TSR2: variants seen among roughly 807,000 people sequenced by gnomAD.
The protein encoded by TSR2 is pre-rRNA-processing protein TSR2 homolog.
TSR2 carries 1 observed loss-of-function variant against 13.3 expected under a neutral mutation model. That is an observed-to-expected ratio of 0.08 (90% CI 0.03 to 0.36). The LOEUF (loss-of-function observed/expected upper bound fraction) is 0.36. Ranked by LOEUF, TSR2 falls within the 10% of genes least tolerant of loss-of-function variation. The pLI, the probability that TSR2 is intolerant of heterozygous loss-of-function variation, is 0.99. For synonymous variants in TSR2, 60 were observed against 57.7 expected, an observed-to-expected ratio of 1.04 and a Z score of -0.18; for missense variants, 120 against 151.1, an observed-to-expected ratio of 0.79 and a Z score of 1.08.
chrX:54,440,885 C>T, intron 2 of TSR2, 105 bp downstream of exon 2: 1 of 582,839 alleles, frequency 1.7e-6, no homozygotes, highest in Non-Finnish European at 2.6e-6. Context: ...TGGATTGGTA[C>T]CTAAAGGTGA....
rs755884642 is a variant in TSR2, at chrX:54,440,454, T to C, written c.33T>C (p.Leu11=). 2.7e-6 allele frequency: 3 copies of C among 1,129,151 alleles called. No homozygotes were observed. Among genetic ancestry groups the C allele is most frequent in the African/African-American group, 3.7e-5 (2 of 53,694 alleles). 93.1% of individuals were successfully genotyped at this position (1,129,151 alleles called of 1,213,427 possible). ...GCGCTGCAGAAGATGCGCGAGCTCT[T>C]TTCCGGGCTGGGGTCTGCGCGGCCC... MAGAAEDARA[L]FRAGVCAALE... Residue 11 remains leucine (L), a synonymous_variant, in exon 1 of 5, where the codon CTT becomes CTC. Coordinates refer to ENST00000375151, the MANE Select transcript of TSR2 (RefSeq NM_058163.3).
Position 54,444,150 on chromosome X carries a change from A to C in TSR2, c.407A>C (p.Asp136Ala). 3 of 1,211,451 alleles carry C rather than the reference A, an allele frequency of 2.5e-6. No individual in the cohort carries two copies. Among genetic ancestry groups the C allele is most frequent in the Non-Finnish European group, 3.4e-6 (3 of 895,339 alleles). Reference sequence around the variant, plus strand: ...AAGACAGCTAGAGAGACTGATGAGGATGAAGATGATGTGGACAGTGTGGAA... The same window carrying C: ...AAGACAGCTAGAGAGACTGATGAGGCTGAAGATGATGTGGACAGTGTGGAA... ...ALKTARETDE[D>A]EDDVDSVEEM... The change falls in exon 4 of 5, where the codon GAT becomes GCT. Residue 136 changes from aspartate (D) to alanine (A), a missense_variant. Physicochemically the swap from Asp to Ala is moderately radical, Grantham distance 126 (BLOSUM62 -2). Coordinates refer to ENST00000375151, the MANE Select transcript of TSR2 (RefSeq NM_058163.3).
At position 54,443,382 on chromosome X, in the gene TSR2, C is replaced by G. The variant is rs374186320; in HGVS notation, c.173-18C>G. 3 of 1,180,903 alleles carry G rather than the reference C, an allele frequency of 2.5e-6. No individual in the cohort carries two copies. Among genetic ancestry groups the G allele is most frequent in the Non-Finnish European group, 2.3e-6 (2 of 869,455 alleles). ...TTGGCTGGTCTTTGACCCAAGGGCCCTGTCCTTTTCTACTTAGCTGACTTG... is the reference window on the plus strand; with the variant it reads ...TTGGCTGGTCTTTGACCCAAGGGCCGTGTCCTTTTCTACTTAGCTGACTTG... On this transcript the variant is annotated intron_variant, in intron 2 of 4. Coordinates refer to ENST00000375151, the MANE Select transcript of TSR2 (RefSeq NM_058163.3).
intron 2 of TSR2, among the ~76,000 whole-genome samples, chrX:54,441,815 T>C: frequency 9.0e-6 from 1 of 111,600 alleles, no homozygotes; most frequent in Admixed American, 9.5e-5. Context: ...GAAGCCCTTA[T>C]GTGCCTTTGA....
chrX:54,440,866 G>A, intron 2 of TSR2, 86 bp downstream of exon 2: 1 of 762,919 alleles, frequency 1.3e-6, no homozygotes, highest in Non-Finnish European at 1.9e-6. Context: ...ATTTCCTCTC[G>A]AGCAGTTGTG....
At chrX:54,444,304 G>T in intron 4 of TSR2, 112 bp from the exon 5 acceptor site, 1 of 1,148,852 alleles carries the variant, frequency 8.7e-7, no homozygotes, top group South Asian at 2.1e-5. Context: ...GTATTATCCA[G>T]AGAGGGCAGG....
At position 54,446,259 on chromosome X, in the gene TSR2, C is replaced by T; in HGVS notation, c.*1709C>T. On this transcript the variant is annotated 3_prime_UTR_variant, in exon 5 of 5. Coordinates refer to ENST00000375151, the MANE Select transcript of TSR2 (RefSeq NM_058163.3). ...GGCCCGCCCGGCCAAGCACAGCCAT[C>T]CAGCGTCGCTGTAGTTCCTCTGTCT... 1 of 1,212,082 alleles carries T rather than the reference C, an allele frequency of 8.3e-7. No homozygotes were observed. Among genetic ancestry groups the T allele is most frequent in the Non-Finnish European group, 1.1e-6 (1 of 895,558 alleles).
At chrX:54,442,712 C>G (rs1968961266) in intron 2 of TSR2, among the ~76,000 whole-genome samples, 1 of 111,739 alleles carries the variant, frequency 8.9e-6, no homozygotes, top group Non-Finnish European at 1.9e-5. Context: ...CAGAGTCACA[C>G]AGTAGGATGT....
Position 54,446,342 on chromosome X carries a change from C to T in TSR2, c.*1792C>T. The T allele has an allele frequency of 8.3e-7, 1 of 1,211,007 alleles. No homozygotes were observed. The highest frequency in any genetic ancestry group is 1.1e-6 in the Non-Finnish European group (1 of 895,039). ...GTGATCTTGAAGACATGCCTTCTGT[C>T]AGGCCGCTCCCCTGCCTCGGGCGGT... On this transcript the variant is annotated 3_prime_UTR_variant, in exon 5 of 5. Transcript: ENST00000375151.
At position 54,444,422 on chromosome X, in the gene TSR2, G is replaced by A; in HGVS notation, c.448G>A (p.Ala150Thr). 8.3e-7 allele frequency: 1 copy of A among 1,208,286 alleles called. No individual in the cohort carries two copies. The highest frequency in any genetic ancestry group is 1.1e-6 in the Non-Finnish European group (1 of 893,913). Residue 150 changes from alanine to threonine, a missense_variant, in exon 5 of 5, where the codon GCT becomes ACT. Ala to Thr is a moderately conservative substitution (Grantham distance 58, BLOSUM62 0). This residue lies in a region of TSR2 where 55 missense variants were observed against 61.3 expected (regional missense o/e 0.90). Transcript: ENST00000375151. ...TTTTAAATCTCCCCTCCAGGTCACA[G>A]CTACGAATGATGGGGCTGCTACAGA... ...VDSVEEMEVTATNDGAATDGV... is the reference protein window; with the variant it reads ...VDSVEEMEVTTTNDGAATDGV...
chrX:54,445,544 C>G lies in TSR2; in HGVS notation c.*994C>G, dbSNP rs1922118004. On this transcript the variant is annotated 3_prime_UTR_variant, in exon 5 of 5. Coordinates refer to ENST00000375151, the MANE Select transcript of TSR2 (RefSeq NM_058163.3). ...AAACTGAGTATCCATTGTCCTCCCC[C>G]CTGTTTCCCTGTCCTGCCCGCTGGC... The G allele has an allele frequency of 8.9e-6, 1 of 112,595 alleles. No homozygotes were observed. Among genetic ancestry groups the G allele is most frequent in the African/African-American group, 3.3e-5 (1 of 30,736 alleles). 9.3% of individuals were successfully genotyped at this position (112,595 alleles called of 1,213,427 possible).
chrX:54,447,273 C>T lies in TSR2; in HGVS notation c.*2723C>T. 1 of 1,205,960 alleles carries T rather than the reference C, an allele frequency of 8.3e-7. No homozygotes were observed. Among genetic ancestry groups the T allele is most frequent in the East Asian group, 3.0e-5 (1 of 33,816 alleles). The stretch of plus-strand genomic sequence containing the variant: ...GGTCAAGGACTGGATCTGGCTTTGC[C>T]AGGTGGCTGAAAGGACCCGAAGGAG... On this transcript the variant is annotated 3_prime_UTR_variant, in exon 5 of 5. Transcript: ENST00000375151.
Position 54,447,574 on chromosome X carries a change from C to T in TSR2, c.*3024C>T, listed in dbSNP as rs1601947744. On this transcript the variant is annotated 3_prime_UTR_variant, in exon 5 of 5. Coordinates refer to ENST00000375151, the MANE Select transcript of TSR2 (RefSeq NM_058163.3). The stretch of plus-strand genomic sequence containing the variant: ...TATCTCAGATGAAGACGCTCAAGCT[C>T]AGGTGGCAGGAGTGATTTGTCCAGT... The T allele has an allele frequency of 1.3e-6, 1 of 767,986 alleles. No individual in the cohort carries two copies. Among genetic ancestry groups the T allele is most frequent in the East Asian group, 3.5e-5 (1 of 28,839 alleles). The allele number at this position is 767,986 out of a possible 1,213,427, so 63.3% of individuals were successfully genotyped here.
At chrX:54,441,737 G>C (rs1002582728) in intron 2 of TSR2, among the ~76,000 whole-genome samples, 14 of 111,149 alleles carry the variant, frequency 1.3e-4, no homozygotes, top group East Asian at 8.5e-4. Flanking sequence ...GTGTGTGCGT[G>C]GGGGGTGGAG....
Position 54,447,790 on chromosome X carries a change from A to C in TSR2, c.*3240A>C, listed in dbSNP as rs1922267178. 8.9e-6 allele frequency among the ~76,000 whole-genome samples: 1 copy of C among 112,090 alleles called. No individual in the cohort carries two copies. The highest frequency in any genetic ancestry group is 9.5e-5 in the Admixed American group (1 of 10,541). On this transcript the variant is annotated 3_prime_UTR_variant, in exon 5 of 5. Coordinates refer to ENST00000375151, the MANE Select transcript of TSR2 (RefSeq NM_058163.3). Reference sequence around the variant, plus strand: ...CATGCTTTTTTCTGTCTTTCATCACATCCATTTCCTACACTCATTGAGAGG... The same window carrying C: ...CATGCTTTTTTCTGTCTTTCATCACCTCCATTTCCTACACTCATTGAGAGG...
At chrX:54,444,319 T>G (rs1179047937) in intron 4 of TSR2, 97 bp from the exon 5 acceptor site, 2 of 1,143,313 alleles carry the variant, frequency 1.7e-6, no homozygotes, top group Non-Finnish European at 2.3e-6. Flanking sequence ...GGCAGGGAAC[T>G]TTCCTAAAGT....
intron 2 of TSR2, among the ~76,000 whole-genome samples, chrX:54,443,071 G>A (rs1369202620): frequency 9.0e-6 from 1 of 111,566 alleles, no homozygotes; most frequent in Admixed American, 9.5e-5. Context: ...GTAGGGCTGG[G>A]AGTTGTGGAA....
At chrX:54,442,879 T>A (rs1249328550) in intron 2 of TSR2, among the ~76,000 whole-genome samples, 1 of 112,626 alleles carries the variant, frequency 8.9e-6, no homozygotes, top group Non-Finnish European at 1.9e-5. Flanking sequence ...GAAATTAACA[T>A]GGATCATGGA....
chrX:54,447,350 T>C lies in TSR2; in HGVS notation c.*2800T>C. On this transcript the variant is annotated 3_prime_UTR_variant, in exon 5 of 5. Transcript: ENST00000375151. ...AGATATACAGCACCAAGGGTTCATT[T>C]TCAGGGACCACGAACCATGCCTTGT... 1 of 1,211,911 alleles carries C rather than the reference T, an allele frequency of 8.3e-7. No individual in the cohort carries two copies. Among genetic ancestry groups the C allele is most frequent in the Non-Finnish European group, 1.1e-6 (1 of 895,452 alleles).
Sources: gnomAD v4.1 joint callset for allele counts (sites outside exome capture counted in the v4.1 genomes callset) on GRCh38, gnomAD v4.1.1 for gene constraint, gnomAD v4.1.1 regional missense constraint, MANE v1.5 for transcripts, NCBI Gene and HGNC (gene_info 2026-07-23, HGNC 2026-07-21) for gene names.